The following FBXW2 variants were observed in gnomAD, a reference collection of about 807,000 sequenced individuals.
FBXW2 encodes the protein F-box/WD repeat-containing protein 2.
Under a neutral mutation model 46.0 loss-of-function variants are expected in FBXW2, and 12 were observed. That is an observed-to-expected ratio of 0.26 (90% CI 0.17 to 0.42). The LOEUF is 0.42. Among genes scored for constraint, FBXW2 ranks in the 10% least tolerant of loss-of-function variants. FBXW2 has a pLI of 1.00. For synonymous variants in FBXW2, 203 were observed against 209.6 expected, an observed-to-expected ratio of 0.97 and a Z score of 0.27; for missense variants, 360 against 537.0, an observed-to-expected ratio of 0.67 and a Z score of 3.26.
rs368743895 is a variant in FBXW2, at chr9:120,764,975, A to G, written c.1077-128T>C. On this transcript the variant is annotated intron_variant, in intron 7 of 7. Coordinates refer to ENST00000608872, the MANE Select transcript of FBXW2 (RefSeq NM_012164.4). ...GCAAATTTAGAGTTAAATGTTTTTG[A>G]TAAAAAGTAAAATATAAGGAGAAAA... The G allele has an allele frequency of 1.6e-3, 1,278 of 781,668 alleles. 16 individuals are homozygous for G. In the African/African-American group the frequency reaches 0.02, roughly 12 times the overall value. 48.4% of individuals were successfully genotyped at this position (781,668 alleles called of 1,614,324 possible).
At chr9:120,780,773 G>A (rs2044594711) in intron 3 of FBXW2, among the ~76,000 whole-genome samples, 1 of 152,110 alleles carries the variant, frequency 6.6e-6, no homozygotes. Context: ...TGTTCTCATG[G>A]CACTCAGTCT....
At chr9:120,791,608 T>C (rs983407213) in intron 2 of FBXW2, among the ~76,000 whole-genome samples, 1 of 152,214 alleles carries the variant, frequency 6.6e-6, no homozygotes, top group South Asian at 2.1e-4. Flanking sequence ...GCAGTAAAGA[T>C]TTCTGTGACA....
At position 120,776,218 on chromosome 9, in the gene FBXW2, C is replaced by T. The variant is rs753802368; in HGVS notation, c.694G>A (p.Val232Met). The change falls in exon 5 of 8, where the codon GTG (valine) becomes ATG (methionine). Residue 232 changes from valine to methionine, a missense_variant. Transcript: ENST00000608872. ...ATATCCAGTTCATCATTGTAGTCCA[C>T]GCTAAATACTAGTGCATATAATTAC... ...FRGHTGAVFS[V>M]DYNDELDILV... The T allele has an allele frequency of 2.4e-5, 39 of 1,613,682 alleles. No homozygotes were observed. Among genetic ancestry groups the T allele is most frequent in the Non-Finnish European group, 2.8e-5 (33 of 1,179,926 alleles).
chr9:120,766,137 A>C (rs1018123946), intron 7 of FBXW2, among the ~76,000 whole-genome samples: 6 of 152,208 alleles, frequency 3.9e-5, no homozygotes, highest in African/African-American at 1.4e-4. Flanking sequence ...AAACTAGTAT[A>C]GGTTCAAGAG....
chr9:120,787,273 C>A (rs538030692), intron 3 of FBXW2, among the ~76,000 whole-genome samples: 12 of 152,352 alleles, frequency 7.9e-5, no homozygotes, highest in Non-Finnish European at 1.3e-4. Flanking sequence ...AGGCAATCCA[C>A]CCGCCTCGGC....
intron 5 of FBXW2, 145 bp downstream of exon 5, chr9:120,775,948 G>C (rs1588036097): frequency 1.1e-6 from 1 of 906,104 alleles, no homozygotes; most frequent in Middle Eastern, 2.9e-4. Context: ...TCTACTTGCT[G>C]GTCACTGTTG....
intron 5 of FBXW2, among the ~76,000 whole-genome samples, chr9:120,774,276 G>A (rs1052071763): frequency 1.3e-5 from 2 of 148,592 alleles, no homozygotes; most frequent in African/African-American, 5.0e-5. Context: ...GATGGATGCT[G>A]CAGTGAGCCG....
In FBXW2 at chr9:120,757,318, CTG is replaced by C. The variant is rs974330952; in HGVS notation, c.*7239_*7240del. 6 of 152,306 alleles carry C rather than the reference CTG, an allele frequency of 3.9e-5. No individual in the cohort carries two copies. The highest frequency in any genetic ancestry group is 2.9e-5 in the Non-Finnish European group (2 of 68,018). The allele number at this position is 152,306 out of a possible 1,614,324, so 9.4% of individuals were successfully genotyped here. On this transcript the variant is annotated 3_prime_UTR_variant, in exon 8 of 8. Transcript: ENST00000608872. Reference sequence around the variant, plus strand: ...TTCACTTCATAACTATTCGACAAAACTGTGTGTTGTATGCACTCTTCTGTACC... The same window carrying C: ...TTCACTTCATAACTATTCGACAAAACTGTGTTGTATGCACTCTTCTGTACC...
At chr9:120,793,079 C>A in intron 2 of FBXW2, 70 bp downstream of exon 2, 1 of 863,462 alleles carries the variant, frequency 1.2e-6, no homozygotes, top group Non-Finnish European at 1.8e-6. Context: ...CTCTAAAATC[C>A]AGATCCCATC....
chr9:120,781,675 C>CAT (rs3047128), intron 3 of FBXW2, among the ~76,000 whole-genome samples: 21,235 of 145,940 alleles, frequency 0.15, 1,765 homozygotes, highest in Middle Eastern at 0.21. Flanking sequence ...CACACACACA[C>CAT]ATACACACAC....
At chr9:120,777,122 GCAA>G (rs931075643) in intron 4 of FBXW2, among the ~76,000 whole-genome samples, 3 of 152,186 alleles carry the variant, frequency 2.0e-5, no homozygotes, top group Admixed American at 6.5e-5. Context: ...CAATGTCTAG[GCAA>G]CAGTAATAAA....
intron 5 of FBXW2, 118 bp downstream of exon 5, chr9:120,775,975 G>A (rs2131322548): frequency 8.3e-7 from 1 of 1,207,284 alleles, no homozygotes; most frequent in South Asian, 1.5e-5. Flanking sequence ...ATTATGCTTT[G>A]TAGGTACAGC....
rs2044230964 is a variant in FBXW2, at chr9:120,763,902, A to C, written c.*657T>G. On this transcript the variant is annotated 3_prime_UTR_variant, in exon 8 of 8. Coordinates refer to ENST00000608872, the MANE Select transcript of FBXW2 (RefSeq NM_012164.4). ...ACTAGCTTCCCCGACATGGCAACAA[A>C]AACTACAGAACTCGCTCACATCTTA... The C allele has an allele frequency of 6.6e-6, 1 of 152,488 alleles. No homozygotes were observed. The highest frequency in any genetic ancestry group is 1.9e-4 in the East Asian group (1 of 5,188). 9.4% of individuals were successfully genotyped at this position (152,488 alleles called of 1,614,324 possible). A position where few individuals can be genotyped will look rare whatever the true frequency, so the allele number is the denominator to read the frequency against.
At chr9:120,785,590 T>C (rs550213880) in intron 3 of FBXW2, among the ~76,000 whole-genome samples, 29 of 152,166 alleles carry the variant, frequency 1.9e-4, no homozygotes, top group Non-Finnish European at 2.9e-4. Context: ...AAGAAATGCA[T>C]TGTAAAACGG....
At position 120,764,270 on chromosome 9, in the gene FBXW2, C is replaced by T; in HGVS notation, c.*289G>A. 1 of 416,810 alleles carries T rather than the reference C, an allele frequency of 2.4e-6. No homozygotes were observed. The allele number at this position is 416,810 out of a possible 1,614,324, so 25.8% of individuals were successfully genotyped here. ...CTTTCTTTACTTAAAACCAATACTCCACTCAAGAAAGATGAACCCAAAATG... is the reference window on the plus strand; with the variant it reads ...CTTTCTTTACTTAAAACCAATACTCTACTCAAGAAAGATGAACCCAAAATG... On this transcript the variant is annotated 3_prime_UTR_variant, in exon 8 of 8. Coordinates refer to ENST00000608872, the MANE Select transcript of FBXW2 (RefSeq NM_012164.4).
rs999050775 is a variant in FBXW2 at position 120,761,811 on chromosome 9, GA to G, written c.*2747del. The G allele has an allele frequency of 4.0e-4, 57 of 144,260 alleles. No individual in the cohort carries two copies. In the East Asian group the frequency reaches 4.4e-3, roughly 11 times the overall value. The allele number at this position is 144,260 out of a possible 1,614,324, so 8.9% of individuals were successfully genotyped here. A position where few individuals can be genotyped will look rare whatever the true frequency, so the allele number is the denominator to read the frequency against. ...TGTATGACAGAGCAAGACTGCCTAG[GA>G]AAAAAAAAAAATTCCAGCGGCACCA... On this transcript the variant is annotated 3_prime_UTR_variant, in exon 8 of 8. Coordinates refer to ENST00000608872, the MANE Select transcript of FBXW2 (RefSeq NM_012164.4).
In FBXW2 at chr9:120,764,851, C is replaced by T. The variant is rs2044246430; in HGVS notation, c.1077-4G>A. On this transcript the variant is annotated splice_polypyrimidine_tract_variant and splice_region_variant and intron_variant, in intron 7 of 7. Transcript: ENST00000608872. ...TATCTCAGGAGTCTTGATGACCCTA[C>T]AAGGATGAGAGTTAGGGACTGTGAA... 1 of 1,568,252 alleles carries T rather than the reference C, an allele frequency of 6.4e-7. No individual in the cohort carries two copies. Among genetic ancestry groups the T allele is most frequent in the Non-Finnish European group, 8.7e-7 (1 of 1,154,570 alleles).
Position 120,793,081 on chromosome 9 carries a change from G to A in FBXW2, c.-21+68C>T, listed in dbSNP as rs185212023. On this transcript the variant is annotated intron_variant, in intron 2 of 7. Transcript: ENST00000608872. ...CCTGTTTTCCCGTCTCTAAAATCCA[G>A]ATCCCATCAACCCATTCGTTGCTCC... The A allele has an allele frequency of 1.3e-3, 1,090 of 864,868 alleles. 3 individuals carry two copies. Among genetic ancestry groups the A allele is most frequent in the Non-Finnish European group, 1.7e-3 (939 of 544,998 alleles). 53.6% of individuals were successfully genotyped at this position (864,868 alleles called of 1,614,324 possible). A position where few individuals can be genotyped will look rare whatever the true frequency, so the allele number is the denominator to read the frequency against.
intron 2 of FBXW2, among the ~76,000 whole-genome samples, chr9:120,789,132 G>T (rs569276988): frequency 1.3e-5 from 2 of 152,176 alleles, no homozygotes; most frequent in South Asian, 4.1e-4. Flanking sequence ...TGCAAATGAG[G>T]AAACTACAGG....
Sources: gnomAD v4.1 joint callset for allele counts (sites outside exome capture counted in the v4.1 genomes callset) on GRCh38, gnomAD v4.1.1 for gene constraint, MANE v1.5 for transcripts, NCBI Gene and HGNC (gene_info 2026-07-23, HGNC 2026-07-21) for gene names.